The following KIAA1143 variants were observed in gnomAD, a reference collection of about 807,000 sequenced individuals.
KIAA1143 encodes the protein KIAA1143.
In KIAA1143, 8 loss-of-function variants were observed where a neutral mutation model predicts 17.0. The observed-to-expected ratio is 0.47, with a 90% CI of 0.28 to 0.85. KIAA1143 has a LOEUF of 0.85. KIAA1143 is among the 40% of genes least tolerant of loss of function. The probability of loss-of-function intolerance (pLI) is 0.12; values close to 1 mark genes in which losing one functional copy is unlikely to be tolerated. For missense variants in KIAA1143, 162 were observed against 183.3 expected (o/e 0.88, Z 0.67); for synonymous variants, 64 against 67.8 (o/e 0.94, Z 0.27).
Position 44,758,307 on chromosome 3 carries a change from C to T in KIAA1143, c.108+3188G>A, listed in dbSNP as rs564114353. Among the ~76,000 whole-genome samples, 16 of 152,264 alleles carry T rather than the reference C, an allele frequency of 1.1e-4. No individual in the cohort carries two copies. The South Asian group carries it at 3.3e-3, about 32-fold the overall frequency. On this transcript the variant is annotated intron_variant, in intron 1 of 2. Coordinates refer to ENST00000296121, the MANE Select transcript of KIAA1143 (RefSeq NM_020696.4). ...ATGAAGTTTGCTGCATTGAGTCTTC[C>T]TTTCACAAAAGATTTCTCTTTTGTG...
chr3:44,754,306 A>G lies in KIAA1143; in HGVS notation c.171T>C (p.Pro57=). Residue 57 remains proline (P), a synonymous_variant, in exon 2 of 3, where the codon CCT becomes CCC. Transcript: ENST00000296121. ...CTCCCTTTTTTAAAACCACCACTTG[A>G]GGCTGTTCATCTTCTTTGTCACTGT... The part of the protein sequence containing the change: ...GDHSDKEDEQ[P]QVVVLKKGDL... 6.2e-7 allele frequency: 1 copy of G among 1,613,942 alleles called. No individual in the cohort carries two copies. Among genetic ancestry groups the G allele is most frequent in the Non-Finnish European group, 8.5e-7 (1 of 1,179,874 alleles).
chr3:44,758,366 C>T (rs774348327), intron 1 of KIAA1143, among the ~76,000 whole-genome samples: 8 of 152,224 alleles, frequency 5.3e-5, no homozygotes, highest in Non-Finnish European at 1.0e-4. Flanking sequence ...ATTTTACCCA[C>T]AGCTGAACTC....
intron 1 of KIAA1143, among the ~76,000 whole-genome samples, chr3:44,757,690 G>C (rs1299858752): frequency 1.3e-5 from 2 of 152,214 alleles, no homozygotes; most frequent in African/African-American, 4.8e-5. Context: ...ATAAGGTAAA[G>C]AGAAAAACAG....
chr3:44,754,154 A>C, intron 2 of KIAA1143, 70 bp downstream of exon 2: 1 of 1,521,904 alleles, frequency 6.6e-7, no homozygotes, highest in Non-Finnish European at 9.0e-7. Flanking sequence ...CACACTACTA[A>C]ATAAAATAAA....
In KIAA1143 at chr3:44,753,261, A is replaced by G. The variant is rs955180443; in HGVS notation, c.*80T>C. On this transcript the variant is annotated 3_prime_UTR_variant, in exon 3 of 3. Transcript: ENST00000296121. ...AAACTTTCTATAAAGAACTTGTAGT[A>G]TCTTTATAATAGGAAAAAATGTGAT... is the stretch of plus-strand genomic sequence containing the variant. 3 of 1,056,570 alleles carry G rather than the reference A, an allele frequency of 2.8e-6. No individual in the cohort carries two copies. The highest frequency in any genetic ancestry group is 1.5e-5 in the South Asian group (1 of 65,600). 65.4% of individuals were successfully genotyped at this position (1,056,570 alleles called of 1,614,324 possible).
intron 1 of KIAA1143, among the ~76,000 whole-genome samples, chr3:44,755,558 G>A (rs72874064): frequency 0.011 from 1,655 of 152,228 alleles, 28 homozygotes; most frequent in African/African-American, 0.037. Context: ...AGTACTTGGA[G>A]ATTTATAAAT....
chr3:44,757,712 G>A (rs1443916921), intron 1 of KIAA1143, among the ~76,000 whole-genome samples: 1 of 152,136 alleles, frequency 6.6e-6, no homozygotes, highest in Non-Finnish European at 1.5e-5. Flanking sequence ...AAGAGTAACT[G>A]TTTGGAGAGC....
chr3:44,759,598 C>T (rs62244221), intron 1 of KIAA1143, among the ~76,000 whole-genome samples: 6,018 of 152,068 alleles, frequency 0.04, 163 homozygotes, highest in Non-Finnish European at 0.055. Flanking sequence ...ACTGACTTCT[C>T]TCTAGCTATG....
In KIAA1143 at chr3:44,751,417, G is replaced by A. The variant is rs551704434; in HGVS notation, c.*1924C>T. On this transcript the variant is annotated 3_prime_UTR_variant, in exon 3 of 3. Transcript: ENST00000296121. Reference sequence around the variant, plus strand: ...GAAAGCCTGGATAACATTGCTCAAAGTATTGTCACCTTACAAATTCGGATA... The same window carrying A: ...GAAAGCCTGGATAACATTGCTCAAAATATTGTCACCTTACAAATTCGGATA... The A allele has an allele frequency of 6.6e-6, 1 of 152,192 alleles. No homozygotes were observed. The highest frequency in any genetic ancestry group is 2.4e-5 in the African/African-American group (1 of 41,444). The allele number at this position is 152,192 out of a possible 1,614,324, so 9.4% of individuals were successfully genotyped here. A position where few individuals can be genotyped will look rare whatever the true frequency, so the allele number is the denominator to read the frequency against.
intron 1 of KIAA1143, among the ~76,000 whole-genome samples, chr3:44,759,957 T>G (rs1705047833): frequency 6.9e-6 from 1 of 145,958 alleles, no homozygotes. Flanking sequence ...CTGTTTCATC[T>G]ACATTGAAAA....
Position 44,752,716 on chromosome 3 carries a change from A to AT in KIAA1143, c.*624dup, listed in dbSNP as rs1704907611. ...TCTGCACTCCAAGTAGGATGAAAAG[A>AT]TAAGAGCAAAGGCTCATGTTTGCCA... On this transcript the variant is annotated 3_prime_UTR_variant, in exon 3 of 3. Coordinates refer to ENST00000296121, the MANE Select transcript of KIAA1143 (RefSeq NM_020696.4). 1 of 152,252 alleles carries AT rather than the reference A, an allele frequency of 6.6e-6. No homozygotes were observed. The highest frequency in any genetic ancestry group is 2.4e-5 in the African/African-American group (1 of 41,452). 9.4% of individuals were successfully genotyped at this position (152,252 alleles called of 1,614,324 possible).
In KIAA1143 at chr3:44,752,513, GCA is replaced by G. The variant is rs887214127; in HGVS notation, c.*826_*827del. 1.2e-4 allele frequency: 18 copies of G among 152,338 alleles called. 1 individual carries two copies. The highest frequency in any genetic ancestry group is 2.2e-4 in the Non-Finnish European group (15 of 68,056). The allele number at this position is 152,338 out of a possible 1,614,324, so 9.4% of individuals were successfully genotyped here. A position where few individuals can be genotyped will look rare whatever the true frequency, so the allele number is the denominator to read the frequency against. ...AGAAACCTGACCAAGGCCTAATTAAGCACAGTGTTTATTCTTCTCACTACCAA... is the reference window on the plus strand; with the variant it reads ...AGAAACCTGACCAAGGCCTAATTAAGCAGTGTTTATTCTTCTCACTACCAA... On this transcript the variant is annotated 3_prime_UTR_variant, in exon 3 of 3. Coordinates refer to ENST00000296121, the MANE Select transcript of KIAA1143 (RefSeq NM_020696.4).
intron 1 of KIAA1143, among the ~76,000 whole-genome samples, chr3:44,756,899 G>C (rs1387169352): frequency 6.6e-6 from 1 of 152,104 alleles, no homozygotes; most frequent in Non-Finnish European, 1.5e-5. Flanking sequence ...ATATGTATGG[G>C]AAAAAACATA....
chr3:44,755,426 G>C (rs1704955608), intron 1 of KIAA1143, among the ~76,000 whole-genome samples: 3 of 152,106 alleles, frequency 2.0e-5, no homozygotes, highest in Admixed American at 6.6e-5. Flanking sequence ...ACTTCTCATA[G>C]AGACTTCCTG....
chr3:44,760,768 G>A (rs767126328), intron 1 of KIAA1143, among the ~76,000 whole-genome samples: 1 of 142,872 alleles, frequency 7.0e-6, no homozygotes, highest in Admixed American at 7.3e-5. Flanking sequence ...TCACTGCAAC[G>A]TCCACCTCCC....
rs1308398104 is a variant in KIAA1143 at position 44,753,318 on chromosome 3, G to T, written c.*23C>A. On this transcript the variant is annotated 3_prime_UTR_variant, in exon 3 of 3. Coordinates refer to ENST00000296121, the MANE Select transcript of KIAA1143 (RefSeq NM_020696.4). ...GAACACTCCATATACTTTCAAAGTA[G>T]ACTAAATTCAAAATATTTACACTTA... The T allele has an allele frequency of 1.9e-6, 3 of 1,545,860 alleles. No individual in the cohort carries two copies. The highest frequency in any genetic ancestry group is 2.2e-5 in the South Asian group (2 of 88,992).
At chr3:44,760,345 T>C (rs539438773) in intron 1 of KIAA1143, among the ~76,000 whole-genome samples, 1 of 152,370 alleles carries the variant, frequency 6.6e-6, no homozygotes, top group South Asian at 2.1e-4. Context: ...GAAGCTCCTC[T>C]TCTTCTATTT....
intron 1 of KIAA1143, among the ~76,000 whole-genome samples, chr3:44,759,894 CAAAAAAAA>C (rs527806223): frequency 0.035 from 1,811 of 51,122 alleles, 100 homozygotes; most frequent in African/African-American, 0.11. Flanking sequence ...GACCCTATCT[CAAAAAAAA>C]AAAAAAAAAA....
At chr3:44,755,337 G>A (rs1457083220) in intron 1 of KIAA1143, among the ~76,000 whole-genome samples, 1 of 152,070 alleles carries the variant, frequency 6.6e-6, no homozygotes, top group Non-Finnish European at 1.5e-5. Flanking sequence ...GTTCACTAGA[G>A]GTGGAACTGT....
Sources: allele counts gnomAD v4.1 joint callset (sites outside exome capture counted in the v4.1 genomes callset), GRCh38; gene constraint gnomAD v4.1.1; transcripts MANE v1.5; gene names NCBI Gene and HGNC (gene_info 2026-07-23, HGNC 2026-07-21).